ENOX1: variants seen among roughly 807,000 people sequenced by gnomAD.
ENOX1 encodes the protein candidate growth-related and time keeping constitutive hydroquinone (NADH) oxidase.
In ENOX1, 42 loss-of-function variants were observed where a neutral mutation model predicts 82.5. The observed-to-expected ratio is 0.51, with a 90% confidence interval of 0.40 to 0.66. The LOEUF is 0.66. ENOX1 is among the 30% of genes least tolerant of loss of function. The pLI, the probability that ENOX1 is intolerant of heterozygous loss-of-function variation, is 0.00. For missense variants in ENOX1, 608 were observed against 811.6 expected (o/e 0.75, Z 3.05); for synonymous variants, 271 against 282.2 (o/e 0.96, Z 0.40).
chr13:43,451,205 A>T (rs1346817248), intron 3 of ENOX1, among the ~76,000 whole-genome samples: 2 of 152,198 alleles, frequency 1.3e-5, no homozygotes, highest in Non-Finnish European at 2.9e-5. Flanking sequence ...GCTGCAAGGC[A>T]CTGAATATAT....
chr13:43,577,982 A>G (rs1425255262), intron 2 of ENOX1, among the ~76,000 whole-genome samples: 1 of 123,636 alleles, frequency 8.1e-6, no homozygotes, highest in Non-Finnish European at 2.1e-5. Context: ...ATGGGAAACT[A>G]TATAAAAAAA....
chr13:43,300,719 G>A (rs998396616), intron 11 of ENOX1, among the ~76,000 whole-genome samples: 2 of 152,204 alleles, frequency 1.3e-5, no homozygotes, highest in South Asian at 2.1e-4. Context: ...AGCGCTTGGA[G>A]TAGTGGAAGG....
chr13:43,680,184 A>C (rs1318826615), intron 1 of ENOX1, among the ~76,000 whole-genome samples: 4 of 152,254 alleles, frequency 2.6e-5, no homozygotes, highest in Non-Finnish European at 5.9e-5. Flanking sequence ...ACAGAAATGA[A>C]ATCCAACTTT....
At chr13:43,436,544 A>G (rs2056041056) in intron 3 of ENOX1, among the ~76,000 whole-genome samples, 1 of 152,244 alleles carries the variant, frequency 6.6e-6, no homozygotes, top group South Asian at 2.1e-4. Context: ...GAACCAGGAT[A>G]GGAATGGCAG....
At chr13:43,254,962 A>G (rs2043662798) in intron 14 of ENOX1, among the ~76,000 whole-genome samples, 1 of 152,178 alleles carries the variant, frequency 6.6e-6, no homozygotes, top group Non-Finnish European at 1.5e-5. Flanking sequence ...ATATTAAAAA[A>G]GAAGAACAAA....
chr13:43,757,807 C>T (rs1380917705), intron 1 of ENOX1, among the ~76,000 whole-genome samples: 1 of 152,118 alleles, frequency 6.6e-6, no homozygotes, highest in African/African-American at 2.4e-5. Context: ...GGTCATTTAT[C>T]CCAAAAATGT....
chr13:43,515,831 A>G (rs976721509), intron 2 of ENOX1, among the ~76,000 whole-genome samples: 10 of 152,118 alleles, frequency 6.6e-5, no homozygotes, highest in Non-Finnish European at 1.2e-4. Flanking sequence ...CCATACTCCA[A>G]TGCCTTCACA....
intron 5 of ENOX1, among the ~76,000 whole-genome samples, chr13:43,370,094 G>A (rs1299525936): frequency 2.0e-5 from 3 of 152,342 alleles, no homozygotes; most frequent in Middle Eastern, 3.4e-3. Context: ...TGGGCCGGGC[G>A]CGGTGGCTCA....
chr13:43,228,595 C>T (rs954279214), intron 15 of ENOX1, among the ~76,000 whole-genome samples: 3 of 152,192 alleles, frequency 2.0e-5, no homozygotes, highest in Non-Finnish European at 4.4e-5. Flanking sequence ...CCCATCAAAA[C>T]CATCTAGTTT....
intron 1 of ENOX1, among the ~76,000 whole-genome samples, chr13:43,678,819 C>T (rs1270655695): frequency 1.3e-5 from 2 of 152,168 alleles, no homozygotes; most frequent in Non-Finnish European, 2.9e-5. Flanking sequence ...TCACATTTAG[C>T]ATGACCCCTT....
At chr13:43,646,833 G>T (rs375634833) in intron 2 of ENOX1, among the ~76,000 whole-genome samples, 2 of 152,176 alleles carry the variant, frequency 1.3e-5, no homozygotes, top group East Asian at 3.9e-4. Flanking sequence ...GATAGTAACG[G>T]GCAACGTTTA....
intron 3 of ENOX1, among the ~76,000 whole-genome samples, chr13:43,419,072 G>A (rs1440816406): frequency 1.3e-5 from 2 of 152,082 alleles, no homozygotes; most frequent in Non-Finnish European, 2.9e-5. Flanking sequence ...CAGCTACACG[G>A]GAGGCTGAGG....
Position 43,213,878 on chromosome 13 carries a change from T to A in ENOX1, c.*112A>T. 1 of 1,218,612 alleles carries A rather than the reference T, an allele frequency of 8.2e-7. No homozygotes were observed. The highest frequency in any genetic ancestry group is 1.1e-6 in the Non-Finnish European group (1 of 889,840). The allele number at this position is 1,218,612 out of a possible 1,614,324, so 75.5% of individuals were successfully genotyped here. A position where few individuals can be genotyped will look rare whatever the true frequency, so the allele number is the denominator to read the frequency against. ...AGATATAACTAAAGGCAGGCTTCGA[T>A]GGCTCCACAAAGGTTGCGTGCTGGA... On this transcript the variant is annotated 3_prime_UTR_variant, in exon 17 of 17. Transcript: ENST00000690772.
At chr13:43,653,696 C>A (rs1467056990) in intron 2 of ENOX1, among the ~76,000 whole-genome samples, 1 of 152,138 alleles carries the variant, frequency 6.6e-6, no homozygotes, top group Admixed American at 6.5e-5. Context: ...GTCAGCTGAG[C>A]AAACTCACTA....
At chr13:43,251,493 G>A (rs761724114) in intron 14 of ENOX1, among the ~76,000 whole-genome samples, 46 of 152,170 alleles carry the variant, frequency 3.0e-4, no homozygotes, top group Non-Finnish European at 4.9e-4. Context: ...CCACTTTAAG[G>A]AACATGATCT....
At chr13:43,662,695 A>G (rs189584191) in intron 2 of ENOX1, among the ~76,000 whole-genome samples, 2 of 152,200 alleles carry the variant, frequency 1.3e-5, no homozygotes, top group African/African-American at 4.8e-5. Flanking sequence ...AATTAAAGGA[A>G]CTCTGTTTTC....
intron 3 of ENOX1, among the ~76,000 whole-genome samples, chr13:43,427,395 T>A (rs572905655): frequency 6.6e-6 from 1 of 152,286 alleles, no homozygotes; most frequent in East Asian, 1.9e-4. Context: ...TTCCTTTGGA[T>A]TTTTACCCAA....
intron 3 of ENOX1, among the ~76,000 whole-genome samples, chr13:43,470,274 A>G (rs1303935196): frequency 2.3e-5 from 1 of 44,192 alleles, no homozygotes; most frequent in African/African-American, 6.2e-5. Flanking sequence ...ATATATACAC[A>G]TATATATACA....
chr13:43,772,927 T>C (rs9525841), intron 1 of ENOX1, among the ~76,000 whole-genome samples: 37,781 of 151,946 alleles, frequency 0.25, 6,050 homozygotes, highest in African/African-American at 0.46. Flanking sequence ...GAATAGTGTA[T>C]GGATCACCCT....
Sources: gnomAD v4.1 joint callset for allele counts (sites outside exome capture counted in the v4.1 genomes callset) on GRCh38, gnomAD v4.1.1 for gene constraint, MANE v1.5 for transcripts, NCBI Gene and HGNC (gene_info 2026-07-23, HGNC 2026-07-21) for gene names.